The following SOX6 variants were observed in gnomAD, a reference collection of about 807,000 sequenced individuals.
SOX6 encodes the protein transcription factor SOX-6.
In SOX6, 11 loss-of-function variants were observed where a neutral mutation model predicts 97.8. The ratio of observed to expected loss-of-function variants is 0.11; its 90% CI spans 0.07 to 0.19. The LOEUF (loss-of-function observed/expected upper bound fraction) is 0.19, where lower values mean the gene tolerates loss of function less well. Among genes scored for constraint, SOX6 ranks in the 10% least tolerant of loss-of-function variants. The probability of loss-of-function intolerance (pLI) is 1.00; values close to 1 mark genes in which losing one functional copy is unlikely to be tolerated. For missense variants in SOX6, 810 were observed against 1,039.5 expected, an observed-to-expected ratio of 0.78 and a Z score of 3.04; for synonymous variants, 360 against 371.4, an observed-to-expected ratio of 0.97 and a Z score of 0.35.
At chr11:16,506,120 C>T (rs764911982) in intron 4 of SOX6, among the ~76,000 whole-genome samples, 1 of 152,162 alleles carries the variant, frequency 6.6e-6, no homozygotes, top group South Asian at 2.1e-4. Context: ...GGTAGATCCA[C>T]CAACAACTTG....
At chr11:16,084,446 G>A (rs1479334233) in intron 9 of SOX6, among the ~76,000 whole-genome samples, 1 of 151,852 alleles carries the variant, frequency 6.6e-6, no homozygotes, top group Non-Finnish European at 1.5e-5. Context: ...AGAAGAGTAT[G>A]GACAAACATA....
At chr11:16,012,040 G>A (rs533648932) in intron 13 of SOX6, among the ~76,000 whole-genome samples, 28 of 151,974 alleles carry the variant, frequency 1.8e-4, no homozygotes, top group African/African-American at 5.6e-4. Context: ...GCTGCCCATC[G>A]TTTGTTTTAA....
In SOX6 at chr11:16,426,116, C is replaced by T. The variant is rs575003608; in HGVS notation, c.-5+50199G>A. Reference sequence around the variant, plus strand: ...CTAAAAATACAAAAAATTAGCCAGGCGTGGTGGTGGGCGCCTGTAATCCCA... The same window carrying T: ...CTAAAAATACAAAAAATTAGCCAGGTGTGGTGGTGGGCGCCTGTAATCCCA... On this transcript the variant is annotated intron_variant, in intron 1 of 15. Coordinates refer to the SOX6 transcript ENST00000396356. 6.0e-5 allele frequency among the ~76,000 whole-genome samples: 9 copies of T among 151,116 alleles called. No homozygotes were observed. The East Asian group carries it at 9.8e-4, about 16-fold the overall frequency.
At chr11:16,275,318 G>A (rs528050522) in intron 3 of SOX6, among the ~76,000 whole-genome samples, 12 of 151,520 alleles carry the variant, frequency 7.9e-5, no homozygotes, top group Admixed American at 7.9e-4. Context: ...GCCGGGTGTG[G>A]TGGCGGGTGC....
chr11:16,089,678 A>G (rs754405034), intron 9 of SOX6, among the ~76,000 whole-genome samples: 1 of 152,136 alleles, frequency 6.6e-6, no homozygotes, highest in Non-Finnish European at 1.5e-5. Flanking sequence ...CTGGCAGAAC[A>G]GTAATAGCTA....
chr11:16,063,097 T>C (rs532998615), intron 9 of SOX6, among the ~76,000 whole-genome samples: 62 of 151,770 alleles, frequency 4.1e-4, no homozygotes, highest in African/African-American at 1.4e-3. Context: ...ATTTGACCAA[T>C]CTCTTAAATA....
intron 3 of SOX6, among the ~76,000 whole-genome samples, chr11:16,627,439 C>T (rs917097066): frequency 5.9e-5 from 9 of 152,308 alleles, no homozygotes; most frequent in South Asian, 2.1e-4. Flanking sequence ...CCACCAACAA[C>T]GTATAAGCCT....
rs938203296 is a variant in SOX6 at position 16,036,453 on chromosome 11, T to C, written c.1623+10061A>G. ...TTCTGTTGAGAGAGTGTTGAATATA[T>C]GAATTTTTACTATACTACTACAAAA... On this transcript the variant is annotated intron_variant, in intron 12 of 15. Coordinates refer to ENST00000683767, the MANE Select transcript of SOX6 (RefSeq NM_001367873.1). 2.6e-5 allele frequency among the ~76,000 whole-genome samples: 4 copies of C among 152,252 alleles called. No individual in the cohort carries two copies. In the South Asian group the frequency reaches 8.3e-4, roughly 32 times the overall value.
At chr11:16,712,447 A>T (rs1002133512) in intron 3 of SOX6, among the ~76,000 whole-genome samples, 2 of 152,098 alleles carry the variant, frequency 1.3e-5, no homozygotes, top group Non-Finnish European at 2.9e-5. Context: ...CCATTCTTGC[A>T]GGAGTAAGGT....
intron 4 of SOX6, among the ~76,000 whole-genome samples, chr11:16,210,888 A>G (rs1174314118): frequency 6.6e-6 from 1 of 152,228 alleles, no homozygotes; most frequent in African/African-American, 2.4e-5. Context: ...ACGCTGTAGA[A>G]GAAAACAGCT....
At chr11:16,436,975 G>A (rs1859387263) in intron 1 of SOX6, among the ~76,000 whole-genome samples, 1 of 152,018 alleles carries the variant, frequency 6.6e-6, no homozygotes, top group African/African-American at 2.4e-5. Flanking sequence ...GTAAGGGCCT[G>A]GCCAACTGTG....
At chr11:16,399,248 A>T (rs1358324826) in intron 1 of SOX6, among the ~76,000 whole-genome samples, 1 of 151,460 alleles carries the variant, frequency 6.6e-6, no homozygotes, top group African/African-American at 2.4e-5. Context: ...TATAAACATA[A>T]GGGATTACTG....
chr11:16,362,520 G>T (rs745822764), intron 1 of SOX6, among the ~76,000 whole-genome samples: 1 of 151,900 alleles, frequency 6.6e-6, no homozygotes, highest in Non-Finnish European at 1.5e-5. Flanking sequence ...CTAGAAAATG[G>T]AAAATAAAGC....
At chr11:16,531,069 T>C (rs1013149067) in intron 4 of SOX6, among the ~76,000 whole-genome samples, 2 of 149,506 alleles carry the variant, frequency 1.3e-5, no homozygotes, top group Admixed American at 6.7e-5. Context: ...TATATAGATA[T>C]ATATTTCAGA....
At chr11:16,072,863 G>A (rs1467300648) in intron 9 of SOX6, among the ~76,000 whole-genome samples, 1 of 152,090 alleles carries the variant, frequency 6.6e-6, no homozygotes, top group Non-Finnish European at 1.5e-5. Context: ...TTAAGTAAAG[G>A]AGAAATCAGA....
At chr11:16,115,133 G>C (rs1849315846) in intron 6 of SOX6, among the ~76,000 whole-genome samples, 1 of 152,116 alleles carries the variant, frequency 6.6e-6, no homozygotes, top group Non-Finnish European at 1.5e-5. Flanking sequence ...GAGAGAAAAA[G>C]TAAATAAGGA....
Position 16,186,841 on chromosome 11 carries a change from G to A in SOX6, c.650C>T (p.Ala217Val), listed in dbSNP as rs1480487824. The change falls in exon 5 of 16, where the codon GCG (alanine) becomes GTG (valine). Residue 217 changes from alanine to valine, a missense_variant. Around this residue, in one of 9 missense-constraint regions of SOX6, gnomAD observed 110 missense variants for 119.0 expected, o/e 0.92. Coordinates refer to ENST00000683767, the MANE Select transcript of SOX6 (RefSeq NM_001367873.1). ...CTGCCGTTGTTTCTCAATTTGTGAC[G>A]CTGCCAGTTTTTTCTGTTCATCATG... is the stretch of plus-strand genomic sequence containing the variant. ...AAHDEQKKLA[A>V]SQIEKQRQQM... The A allele has an allele frequency of 5.6e-6, 9 of 1,613,552 alleles. No individual in the cohort carries two copies. The Admixed American group carries it at 6.7e-5, about 12-fold the overall frequency.
At chr11:16,125,877 A>AGGAAGGAAGGAAGGAAGGAAGG (rs1590212070) in intron 6 of SOX6, among the ~76,000 whole-genome samples, 1 of 149,328 alleles carries the variant, frequency 6.7e-6, no homozygotes, top group East Asian at 2.0e-4. Context: ...GAAGGAAGGA[A>AGGAAGGAAGGAAGGAAGGAAGG]AGTTTATTTG....
intron 9 of SOX6, among the ~76,000 whole-genome samples, chr11:16,063,743 G>A (rs1446802225): frequency 3.3e-5 from 5 of 149,878 alleles, no homozygotes; most frequent in Non-Finnish European, 7.4e-5. Flanking sequence ...ACTAAACTCA[G>A]TGAGGCACTG....
Sources: allele counts gnomAD v4.1 joint callset (sites outside exome capture counted in the v4.1 genomes callset), GRCh38; gene constraint gnomAD v4.1.1; regional missense constraint gnomAD v4.1.1; transcripts MANE v1.5; gene names NCBI Gene and HGNC (gene_info 2026-07-23, HGNC 2026-07-21).